The following CTNNA1 variants were observed in gnomAD, a reference collection of about 807,000 sequenced individuals.
CTNNA1 encodes the protein catenin alpha 1.
In CTNNA1, 37 loss-of-function variants were observed where a neutral mutation model predicts 98.4. The ratio of observed to expected loss-of-function variants is 0.38; its 90% CI spans 0.29 to 0.49. The LOEUF is 0.49. Ranked by LOEUF, CTNNA1 falls within the 20% of genes least tolerant of loss-of-function variation. The pLI is 0.95. For missense variants in CTNNA1, 761 were observed against 1,147.2 expected (o/e 0.66, Z 4.86); for synonymous variants, 404 against 413.2 (o/e 0.98, Z 0.27).
intron 7 of CTNNA1, among the ~76,000 whole-genome samples, chr5:138,859,008 A>C (rs561785492): frequency 5.9e-5 from 9 of 152,098 alleles, no homozygotes; most frequent in Non-Finnish European, 1.3e-4. Context: ...TATTACATTG[A>C]CTTGAGAACA....
intron 5 of CTNNA1, among the ~76,000 whole-genome samples, chr5:138,822,074 T>C (rs1250132745): frequency 1.3e-5 from 2 of 152,212 alleles, no homozygotes. Context: ...ATTTTCATCA[T>C]AGATTAAAAT....
At chr5:138,764,085 T>A (rs572077837) in intron 1 of CTNNA1, among the ~76,000 whole-genome samples, 1 of 152,310 alleles carries the variant, frequency 6.6e-6, no homozygotes, top group East Asian at 1.9e-4. Context: ...CTCCTGAGTC[T>A]GAGGCAGGAG....
intron 9 of CTNNA1, among the ~76,000 whole-genome samples, chr5:138,892,638 G>A (rs913273669): frequency 1.3e-5 from 2 of 151,694 alleles, no homozygotes; most frequent in Non-Finnish European, 2.9e-5. Context: ...CACTGTGCCC[G>A]GCCCAGTAAT....
At chr5:138,894,670 T>A (rs1479756864) in intron 9 of CTNNA1, among the ~76,000 whole-genome samples, 2 of 151,884 alleles carry the variant, frequency 1.3e-5, no homozygotes, top group African/African-American at 4.8e-5. Flanking sequence ...TGATTATGAT[T>A]ATGATTATGA....
intron 7 of CTNNA1, among the ~76,000 whole-genome samples, chr5:138,879,038 C>T (rs1006790894): frequency 1.3e-5 from 2 of 151,908 alleles, no homozygotes; most frequent in Admixed American, 6.6e-5. Context: ...GGTGAAATCC[C>T]GTCTCTACCG....
rs879520859 is a variant in CTNNA1 at position 138,921,917 on chromosome 5, AT to A, written c.1547-2580del. 4.9e-3 allele frequency among the ~76,000 whole-genome samples: 711 copies of A among 143,782 alleles called. 1 individual carries two copies. The highest frequency in any genetic ancestry group is 0.014 in the African/African-American group (546 of 39,470). The allele number at this position is 143,782 out of a possible 152,430, so 94.3% of individuals were successfully genotyped here. On this transcript the variant is annotated intron_variant, in intron 11 of 17. Transcript: ENST00000302763. ...GTAATCAAAAATCACCCGGCCGGTG[AT>A]TTTTTTTTTTTTAAGCCTACTATAT...
At chr5:138,762,959 C>T (rs1203724699) in intron 1 of CTNNA1, among the ~76,000 whole-genome samples, 2 of 151,896 alleles carry the variant, frequency 1.3e-5, no homozygotes, top group African/African-American at 4.8e-5. Flanking sequence ...AATTTTTTCC[C>T]TAGATTGCTT....
chr5:138,783,278 TGA>T lies in CTNNA1; in HGVS notation c.210_211del (p.Asn71PhefsTer7). ...TGGCTGCATCTGTTGAACAAGCAAC[TGA>T]GAATTTCTTGGAGAAGGGGGATAAA... is the stretch of plus-strand genomic sequence containing the variant. ...VLAASVEQATENFLEKGDKIA... is the reference protein window; with the variant it reads ...VLAASVEQATXNFLEKGDKIA... On this transcript the variant is annotated frameshift_variant, in exon 3 of 18. Transcript: ENST00000302763. LOFTEE classifies it high-confidence loss of function. 6.2e-7 allele frequency: 1 copy of T among 1,614,160 alleles called. No homozygotes were observed. The highest frequency in any genetic ancestry group is 8.5e-7 in the Non-Finnish European group (1 of 1,180,002).
At chr5:138,785,491 C>T (rs375793093) in intron 3 of CTNNA1, among the ~76,000 whole-genome samples, 2 of 149,212 alleles carry the variant, frequency 1.3e-5, no homozygotes, top group South Asian at 2.2e-4. Context: ...TCTTCTATAA[C>T]GAAACTCACA....
At chr5:138,775,271 AT>A (rs1753980504) in intron 1 of CTNNA1, among the ~76,000 whole-genome samples, 1 of 152,212 alleles carries the variant, frequency 6.6e-6, no homozygotes, top group South Asian at 2.1e-4. Flanking sequence ...ATTTGATGAC[AT>A]TTGGTTGAGC....
intron 1 of CTNNA1, among the ~76,000 whole-genome samples, chr5:138,765,591 A>C (rs1752840896): frequency 6.6e-6 from 1 of 152,184 alleles, no homozygotes; most frequent in Non-Finnish European, 1.5e-5. Context: ...TTAATGTGTA[A>C]GCCACCATTG....
At chr5:138,755,445 GTTTC>G (rs1751525755) in intron 1 of CTNNA1, among the ~76,000 whole-genome samples, 1 of 152,070 alleles carries the variant, frequency 6.6e-6, no homozygotes, top group South Asian at 2.1e-4. Flanking sequence ...ACTCATCTCA[GTTTC>G]TTTCTTTTCC....
intron 1 of CTNNA1, among the ~76,000 whole-genome samples, chr5:138,779,304 C>T (rs948083644): frequency 6.6e-6 from 1 of 152,152 alleles, no homozygotes; most frequent in Non-Finnish European, 1.5e-5. Flanking sequence ...ATTCCCTCCC[C>T]ATACCCTTTC....
chr5:138,901,479 T>C (rs1237330458), intron 9 of CTNNA1, among the ~76,000 whole-genome samples: 1 of 152,110 alleles, frequency 6.6e-6, no homozygotes, highest in East Asian at 1.9e-4. Flanking sequence ...TTTTGGGACA[T>C]GGTCTTGCAG....
chr5:138,873,308 A>G lies in CTNNA1; in HGVS notation c.1063-12904A>G, dbSNP rs1427041602. On this transcript the variant is annotated intron_variant, in intron 7 of 17. Coordinates refer to ENST00000302763, the MANE Select transcript of CTNNA1 (RefSeq NM_001903.5). The surrounding 1 kb of genome is among the most constrained non-coding windows in gnomAD (Gnocchi z 6.1). ...TCCCGTAATTACCCGCTGAGTGAAG[A>G]TGGCATTGTCTGGTTCAGGAAAGTG... 6.8e-6 allele frequency: 11 copies of G among 1,613,942 alleles called. No homozygotes were observed. The highest frequency in any genetic ancestry group is 8.5e-6 in the Non-Finnish European group (10 of 1,179,902).
Position 138,878,798 on chromosome 5 carries a change from C to G in CTNNA1, c.1063-7414C>G, listed in dbSNP as rs1752223551. Among the ~76,000 whole-genome samples, 5 of 152,286 alleles carry G rather than the reference C, an allele frequency of 3.3e-5. No homozygotes were observed. In the Middle Eastern group the frequency reaches 0.01, roughly 311 times the overall value. On this transcript the variant is annotated intron_variant, in intron 7 of 17. Transcript: ENST00000302763. ...CTTTATGCTAAAAAGGCAAATGTTTCTTTCATCATACCCAGCTCCAAAAAT... is the reference window on the plus strand; with the variant it reads ...CTTTATGCTAAAAAGGCAAATGTTTGTTTCATCATACCCAGCTCCAAAAAT...
At chr5:138,836,499 G>A (rs1175537212) in intron 7 of CTNNA1, among the ~76,000 whole-genome samples, 1 of 152,244 alleles carries the variant, frequency 6.6e-6, no homozygotes, top group African/African-American at 2.4e-5. Flanking sequence ...GAGGTTTGAA[G>A]TACTTCCCAT....
chr5:138,875,701 A>G (rs1365026586), intron 7 of CTNNA1: 1 of 985,474 alleles, frequency 1.0e-6, no homozygotes, highest in Non-Finnish European at 1.2e-6. Flanking sequence ...AAGCCTGCAC[A>G]ATTTATGAAG....
At chr5:138,761,911 A>G (rs982052594) in intron 1 of CTNNA1, 23 of 152,188 alleles carry the variant, frequency 1.5e-4, no homozygotes, top group African/African-American at 5.5e-4. Flanking sequence ...GCCTGCCACA[A>G]TGCCTGGCTA....
Sources: allele counts gnomAD v4.1 joint callset (sites outside exome capture counted in the v4.1 genomes callset), GRCh38; gene constraint gnomAD v4.1.1; non-coding constraint Gnocchi (gnomAD v3.1); transcripts MANE v1.5; gene names NCBI Gene and HGNC (gene_info 2026-07-23, HGNC 2026-07-21).